Variants in CDH18 observed in about 807,000 individuals in gnomAD.
CDH18 encodes cadherin 18, also known as cadherin-18.
In CDH18, 31 loss-of-function variants were observed where a neutral mutation model predicts 67.9. The observed-to-expected ratio is 0.46, with a 90% confidence interval of 0.34 to 0.62. The LOEUF is 0.62. CDH18 is among the 20% of genes least tolerant of loss of function. The pLI is 0.01. For missense variants in CDH18, 890 were observed against 975.5 expected (o/e 0.91, Z 1.17); for synonymous variants, 362 against 347.2 (o/e 1.04, Z -0.48).
At chr5:19,950,000 A>T (rs1294766309) in intron 2 of CDH18, among the ~76,000 whole-genome samples, 1 of 151,356 alleles carries the variant, frequency 6.6e-6, no homozygotes, top group South Asian at 2.1e-4. Flanking sequence ...AAATAGACAC[A>T]TACATATCTC....
chr5:20,237,782 C>A (rs920085875), intron 2 of CDH18, among the ~76,000 whole-genome samples: 2 of 151,846 alleles, frequency 1.3e-5, no homozygotes, highest in Non-Finnish European at 2.9e-5. Flanking sequence ...TTCAAGTAAA[C>A]TTTTCCTAGA....
At chr5:20,417,337 C>G (rs776555058) in intron 1 of CDH18, among the ~76,000 whole-genome samples, 1 of 152,070 alleles carries the variant, frequency 6.6e-6, no homozygotes, top group Non-Finnish European at 1.5e-5. Context: ...CCCTGGAATT[C>G]TTCATCAATT....
intron 2 of CDH18, among the ~76,000 whole-genome samples, chr5:20,129,579 C>T (rs1389909606): frequency 1.3e-5 from 2 of 151,976 alleles, no homozygotes; most frequent in African/African-American, 4.8e-5. Flanking sequence ...CTCTTATGAT[C>T]AGAAGCTTAA....
At chr5:20,004,927 T>C (rs1736767885) in intron 2 of CDH18, among the ~76,000 whole-genome samples, 1 of 152,128 alleles carries the variant, frequency 6.6e-6, no homozygotes, top group Non-Finnish European at 1.5e-5. Flanking sequence ...ACAGTGGGTG[T>C]GTCAAATTCC....
intron 9 of CDH18, among the ~76,000 whole-genome samples, chr5:19,530,450 T>C (rs966953006): frequency 6.6e-6 from 1 of 152,208 alleles, no homozygotes; most frequent in African/African-American, 2.4e-5. Context: ...ATTATTATTA[T>C]ACTTTAAGTT....
intron 2 of CDH18, among the ~76,000 whole-genome samples, chr5:19,899,399 C>CAAA (rs57987551): frequency 1.5e-5 from 2 of 137,136 alleles, no homozygotes; most frequent in African/African-American, 2.7e-5. Flanking sequence ...GACTCCATTT[C>CAAA]AAAAAAAAAA....
intron 1 of CDH18, among the ~76,000 whole-genome samples, chr5:20,339,362 G>A (rs574011323): frequency 3.5e-4 from 53 of 152,188 alleles, no homozygotes; most frequent in African/African-American, 1.2e-3. Flanking sequence ...AAACATGAGC[G>A]TAAATGGTCT....
upstream of CDH18, among the ~76,000 whole-genome samples, chr5:19,989,362 C>CT (rs2150382197): frequency 6.6e-6 from 1 of 152,288 alleles, no homozygotes; most frequent in Admixed American, 6.5e-5. Flanking sequence ...GGACTTAAGA[C>CT]TAAGAGAGGT....
At chr5:20,052,893 C>T (rs897134943) in intron 2 of CDH18, among the ~76,000 whole-genome samples, 1 of 152,062 alleles carries the variant, frequency 6.6e-6, no homozygotes, top group Non-Finnish European at 1.5e-5. Flanking sequence ...TATACTTCAA[C>T]AATCACATAT....
At chr5:20,487,172 C>T (rs1297560220) in intron 1 of CDH18, among the ~76,000 whole-genome samples, 1 of 152,128 alleles carries the variant, frequency 6.6e-6, no homozygotes, top group East Asian at 1.9e-4. Flanking sequence ...GGTACTGGCT[C>T]TAGGTCCTCA....
At chr5:19,940,130 CA>C (rs1461227731) in intron 2 of CDH18, among the ~76,000 whole-genome samples, 3 of 151,482 alleles carry the variant, frequency 2.0e-5, no homozygotes, top group African/African-American at 7.3e-5. Flanking sequence ...TTTTATACCT[CA>C]AAAAAGAAAG....
At chr5:19,963,012 C>A (rs1344266867) in intron 2 of CDH18, among the ~76,000 whole-genome samples, 1 of 151,980 alleles carries the variant, frequency 6.6e-6, no homozygotes, top group Non-Finnish European at 1.5e-5. Context: ...TAAATGTATT[C>A]TCTTATTTCT....
intron 1 of CDH18, among the ~76,000 whole-genome samples, chr5:20,542,239 A>G (rs1376591626): frequency 6.6e-6 from 1 of 151,272 alleles, no homozygotes; most frequent in Non-Finnish European, 1.5e-5. Flanking sequence ...TAAGTGTTAA[A>G]TAACATCAAT....
chr5:19,479,803 T>TCTTGATA, intron 12 of CDH18, among the ~76,000 whole-genome samples: 1 of 152,244 alleles, frequency 6.6e-6, no homozygotes, highest in South Asian at 2.1e-4. Flanking sequence ...CAAATATGCT[T>TCTTGATA]TTACAGCATA....
chr5:20,272,070 T>G (rs1745479577), intron 1 of CDH18, among the ~76,000 whole-genome samples: 1 of 151,982 alleles, frequency 6.6e-6, no homozygotes, highest in Admixed American at 6.6e-5. Flanking sequence ...ATTTTTTAAG[T>G]GAATTGGATC....
chr5:19,814,248 G>A (rs921517668), intron 3 of CDH18, among the ~76,000 whole-genome samples: 24 of 151,602 alleles, frequency 1.6e-4, no homozygotes, highest in African/African-American at 5.1e-4. Flanking sequence ...AATAATATGA[G>A]CAAATCAAAT....
intron 1 of CDH18, among the ~76,000 whole-genome samples, chr5:20,285,730 T>C (rs1561940075): frequency 6.6e-6 from 1 of 151,476 alleles, no homozygotes; most frequent in East Asian, 1.9e-4. Context: ...TGATATGCCT[T>C]TTAACTTAAT....
rs776894555 is a variant in CDH18 at position 19,838,932 on chromosome 5, C to T, written c.55G>A (p.Val19Met). 6.2e-6 allele frequency: 10 copies of T among 1,613,936 alleles called. No homozygotes were observed. Among genetic ancestry groups the T allele is most frequent in the Middle Eastern group, 1.6e-4 (1 of 6,082 alleles). ...TGAGCAGTTCCATAACACCTCTGCA[C>T]AAAACAGAGACACACTAGGACTGGA... ...ICPVLVCLCF[V>M]QRCYGTAHHS... Residue 19 changes from valine to methionine, a missense_variant, in exon 3 of 13, where the codon GTG becomes ATG. Transcript: ENST00000382275.
intron 3 of CDH18, among the ~76,000 whole-genome samples, chr5:19,833,367 T>C (rs1304775693): frequency 4.6e-5 from 7 of 152,152 alleles, no homozygotes. Flanking sequence ...TGCATATCGA[T>C]TTTGTATCCT....
Sources: gnomAD v4.1 joint callset for allele counts (sites outside exome capture counted in the v4.1 genomes callset) on GRCh38, gnomAD v4.1.1 for gene constraint, MANE v1.5 for transcripts, NCBI Gene and HGNC (gene_info 2026-07-23, HGNC 2026-07-21) for gene names.